INTS3: variants seen among roughly 807,000 people sequenced by gnomAD.
INTS3 encodes SOSS complex subunit A.
Under a neutral mutation model 146.3 loss-of-function variants are expected in INTS3, and 34 were observed. The ratio of observed to expected loss-of-function variants is 0.23; its 90% CI spans 0.18 to 0.31. The LOEUF (loss-of-function observed/expected upper bound fraction) is 0.31. Among genes scored for constraint, INTS3 ranks in the 10% least tolerant of loss-of-function variants. The pLI is 1.00. For synonymous variants in INTS3, 475 were observed against 494.9 expected (o/e 0.96, Z 0.53); for missense variants, 757 against 1,304.2 (o/e 0.58, Z 6.46).
rs1672789478 is a variant in INTS3, at chr1:153,770,305, T to C, written c.2497T>C (p.Tyr833His). 1.3e-6 allele frequency: 2 copies of C among 1,596,438 alleles called. No homozygotes were observed. The highest frequency in any genetic ancestry group is 1.7e-6 in the Non-Finnish European group (2 of 1,163,894). ...TIIPILQHLK[Y>H]KEHPEALSCL... ...AATCCCCATCCTGCAGCACCTCAAA[T>C]ACAAGGGTGAGTAGGCTTTTGGGTA... Residue 833 changes from tyrosine to histidine, a missense_variant, in exon 24 of 30, where the codon TAC becomes CAC. Coordinates refer to ENST00000318967, the MANE Select transcript of INTS3 (RefSeq NM_023015.5).
intron 21 of INTS3, 31 bp downstream of exon 21, chr1:153,767,858 G>A (rs1221554923): frequency 3.8e-6 from 6 of 1,568,712 alleles, no homozygotes; most frequent in Non-Finnish European, 5.2e-6. Flanking sequence ...CTGTGCCGGG[G>A]GGCTCACAGG....
intron 1 of INTS3, among the ~76,000 whole-genome samples, chr1:153,734,296 G>A (rs1201229114): frequency 6.6e-6 from 1 of 152,178 alleles, no homozygotes; most frequent in African/African-American, 2.4e-5. Flanking sequence ...CTGGCTTCCT[G>A]TGGCTTTCTT....
chr1:153,760,192 A>G (rs1558003755), intron 11 of INTS3, 119 bp from the exon 12 acceptor site: 2 of 687,748 alleles, frequency 2.9e-6, no homozygotes, highest in Non-Finnish European at 4.8e-6. Context: ...AGATCGTACC[A>G]TTTGCACTCC....
intron 3 of INTS3, among the ~76,000 whole-genome samples, chr1:153,743,172 A>C (rs1049155196): frequency 6.6e-6 from 1 of 152,222 alleles, no homozygotes; most frequent in Non-Finnish European, 1.5e-5. Context: ...TCTGTCCTAC[A>C]GAAGTTTTAG....
chr1:153,757,930 A>G lies in INTS3; in HGVS notation c.1149+167A>G, dbSNP rs1672222601. Among the ~76,000 whole-genome samples, 1 of 151,822 alleles carries G rather than the reference A, an allele frequency of 6.6e-6. No individual in the cohort carries two copies. The highest frequency in any genetic ancestry group is 6.6e-5 in the Admixed American group (1 of 15,252). On this transcript the variant is annotated intron_variant, in intron 10 of 29. Coordinates refer to ENST00000318967, the MANE Select transcript of INTS3 (RefSeq NM_023015.5). This position sits in a 1 kb window ranked among gnomAD's most constrained non-coding sequence, Gnocchi z 4.0. ...CTTCCCTTTGTGTCTCTAGAAATTT[A>G]CTTACACTCATTATTTTCCATCTGG...
chr1:153,759,109 C>A (rs966175330), intron 10 of INTS3, among the ~76,000 whole-genome samples: 1 of 151,658 alleles, frequency 6.6e-6, no homozygotes, highest in African/African-American at 2.4e-5. Flanking sequence ...ATGGCAAGAC[C>A]CTCATCTCTA....
chr1:153,732,916 G>A (rs917097148), intron 1 of INTS3, among the ~76,000 whole-genome samples: 1 of 150,664 alleles, frequency 6.6e-6, no homozygotes, highest in Non-Finnish European at 1.5e-5. Flanking sequence ...CGATTTTCCT[G>A]CCTCAGCCTC....
At position 153,741,385 on chromosome 1, in the gene INTS3, TG is replaced by T; in HGVS notation, c.318+19del. ...GCCCAGAAGGTAAGGCACCCTGCTC[TG>T]GACCCATAAACCCTCCTCATATATG... On this transcript the variant is annotated intron_variant, in intron 3 of 29. Coordinates refer to ENST00000318967, the MANE Select transcript of INTS3 (RefSeq NM_023015.5). 3 of 1,576,654 alleles carry T rather than the reference TG, an allele frequency of 1.9e-6. No homozygotes were observed. The highest frequency in any genetic ancestry group is 2.6e-6 in the Non-Finnish European group (3 of 1,145,862).
chr1:153,770,102 T>TGTGTGTGC (rs1293366733), intron 23 of INTS3, 96 bp from the exon 24 acceptor site: 1 of 428,436 alleles, frequency 2.3e-6, no homozygotes, highest in Non-Finnish European at 4.2e-6. Flanking sequence ...TGTGTGTGTG[T>TGTGTGTGC]GCTGGTAGTC....
chr1:153,763,590 C>G (rs564125139), intron 16 of INTS3, among the ~76,000 whole-genome samples: 255 of 152,268 alleles, frequency 1.7e-3, no homozygotes, highest in Middle Eastern at 3.4e-3. Context: ...TCTGCAGATT[C>G]TTGGGAGAAG....
At chr1:153,761,023 T>C in intron 13 of INTS3, 105 bp downstream of exon 13, 1 of 1,541,916 alleles carries the variant, frequency 6.5e-7, no homozygotes, top group Non-Finnish European at 8.8e-7. Context: ...CTGACAGGTG[T>C]AAAAAGTATT....
At chr1:153,747,486 T>C (rs1021266087) in intron 5 of INTS3, 123 bp downstream of exon 5, 4 of 748,872 alleles carry the variant, frequency 5.3e-6, no homozygotes, top group African/African-American at 3.5e-5. Flanking sequence ...TGTTTCCTTC[T>C]GATACAGACA....
At chr1:153,739,073 G>GT (rs985989837) in intron 1 of INTS3, among the ~76,000 whole-genome samples, 2 of 149,936 alleles carry the variant, frequency 1.3e-5, no homozygotes, top group African/African-American at 2.4e-5. Flanking sequence ...TTTTTTTCTT[G>GT]TTTTTTTTGA....
Position 153,767,847 on chromosome 1 carries a change from T to G in INTS3, c.2244+20T>G. 1 of 1,589,940 alleles carries G rather than the reference T, an allele frequency of 6.3e-7. No homozygotes were observed. Among genetic ancestry groups the G allele is most frequent in the South Asian group, 1.1e-5 (1 of 89,094 alleles). On this transcript the variant is annotated intron_variant, in intron 21 of 29. Coordinates refer to ENST00000318967, the MANE Select transcript of INTS3 (RefSeq NM_023015.5). ...ACAGAGGTCAGTGCCTGCATCCGTA[T>G]CTGTGCCGGGGGGCTCACAGGAACA...
chr1:153,767,554 C>A, intron 20 of INTS3, 120 bp from the exon 21 acceptor site: 1 of 993,414 alleles, frequency 1.0e-6, no homozygotes, highest in Non-Finnish European at 1.4e-6. Flanking sequence ...GGACATGAGG[C>A]AGATTAGCAC....
At chr1:153,747,592 A>G in intron 5 of INTS3, 2 of 578,612 alleles carry the variant, frequency 3.5e-6, no homozygotes, top group South Asian at 2.2e-5. Context: ...TTCCTGCTAA[A>G]CCCAGGGCTT....
At position 153,768,215 on chromosome 1, in the gene INTS3, G is replaced by T. The variant is rs147132213; in HGVS notation, c.2244+388G>T. On this transcript the variant is annotated intron_variant, in intron 21 of 29. Coordinates refer to ENST00000318967, the MANE Select transcript of INTS3 (RefSeq NM_023015.5). ...CTCTCTGATAGTTCCTGATGACCAG[G>T]GCTTCTGTAGTGGAGACTCACTTTC... Among the ~76,000 whole-genome samples, 10 of 152,222 alleles carry T rather than the reference G, an allele frequency of 6.6e-5. No homozygotes were observed. In the East Asian group the frequency reaches 1.9e-3, roughly 29 times the overall value.
intron 18 of INTS3, 37 bp from the exon 19 acceptor site, chr1:153,764,653 C>T (rs201327127): frequency 1.3e-6 from 2 of 1,528,520 alleles, no homozygotes; most frequent in Admixed American, 1.7e-5. Flanking sequence ...AGCAGCCCCC[C>T]TCACATGGAT....
chr1:153,760,629 G>C (rs1346190587), intron 12 of INTS3, 198 bp from the exon 13 acceptor site: 2 of 625,874 alleles, frequency 3.2e-6, no homozygotes, highest in Non-Finnish European at 5.7e-6. Context: ...GGTAGAATCT[G>C]GTTTCCTTGG....
Sources: gnomAD v4.1 joint callset for allele counts (sites outside exome capture counted in the v4.1 genomes callset) on GRCh38, gnomAD v4.1.1 for gene constraint, Gnocchi (gnomAD v3.1) non-coding constraint, MANE v1.5 for transcripts, NCBI Gene and HGNC (gene_info 2026-07-23, HGNC 2026-07-21) for gene names.